The following DIP2C variants were observed in gnomAD, a reference collection of about 807,000 sequenced individuals.
The protein encoded by DIP2C is DIP2 acetate--CoA ligase C (putative).
DIP2C carries 33 observed loss-of-function variants against 192.4 expected under a neutral mutation model. The observed-to-expected ratio is 0.17, with a 90% CI of 0.13 to 0.23. DIP2C has a LOEUF of 0.23. Among genes scored for constraint, DIP2C ranks in the 10% least tolerant of loss-of-function variants. DIP2C has a pLI of 1.00. For missense variants in DIP2C, 1,537 were observed against 2,110.1 expected, an observed-to-expected ratio of 0.73 and a Z score of 5.32; for synonymous variants, 979 against 864.1, an observed-to-expected ratio of 1.13 and a Z score of -2.33.
At chr10:384,194 T>G (rs1318202423) in intron 15 of DIP2C, 48 bp from the exon 16 acceptor site, 1 of 1,580,022 alleles carries the variant, frequency 6.3e-7, no homozygotes, top group East Asian at 2.4e-5. Context: ...CGTCAGATCG[T>G]CCCCTATTGC....
intron 29 of DIP2C, 96 bp downstream of exon 29, chr10:341,103 T>C (rs1589537680): frequency 3.3e-6 from 5 of 1,536,996 alleles, no homozygotes; most frequent in Non-Finnish European, 4.5e-6. Context: ...GGAGTGGGGG[T>C]GTGGGGGCAG....
intron 1 of DIP2C, among the ~76,000 whole-genome samples, chr10:672,462 G>A (rs576835063): frequency 1.3e-5 from 2 of 152,308 alleles, no homozygotes; most frequent in East Asian, 1.9e-4. Flanking sequence ...AGCTCCTGCC[G>A]CCCACCCCAG....
intron 1 of DIP2C, among the ~76,000 whole-genome samples, chr10:513,652 G>A (rs1250822889): frequency 6.6e-6 from 1 of 152,018 alleles, no homozygotes; most frequent in African/African-American, 2.4e-5. Context: ...AACCAAGAAG[G>A]AAATGAAAAG....
chr10:351,473 G>T (rs1564600711), intron 24 of DIP2C, among the ~76,000 whole-genome samples: 1 of 152,234 alleles, frequency 6.6e-6, no homozygotes. Context: ...TCACTGCCCG[G>T]TGGGTCTTCA....
At chr10:484,765 G>A (rs1250280729) in intron 2 of DIP2C, 2 of 1,608,616 alleles carry the variant, frequency 1.2e-6, no homozygotes, top group Middle Eastern at 1.7e-4. Context: ...CTGGCTCTCA[G>A]CAAAGCAGCG....
intron 1 of DIP2C, among the ~76,000 whole-genome samples, chr10:648,714 C>T (rs541192306): frequency 2.7e-5 from 4 of 147,982 alleles, no homozygotes; most frequent in African/African-American, 5.0e-5. Flanking sequence ...TAGGAGAGAA[C>T]AGAGCGAAAC....
At chr10:299,630 A>G (rs999453946) in intron 32 of DIP2C, among the ~76,000 whole-genome samples, 2 of 152,236 alleles carry the variant, frequency 1.3e-5, no homozygotes, top group African/African-American at 4.8e-5. Flanking sequence ...AACAAAGAGG[A>G]TAAACTGGAC....
chr10:390,079 C>T lies in DIP2C; in HGVS notation c.1509G>A (p.Lys503=). Residue 503 remains lysine (K), a synonymous_variant, in exon 13 of 37, where the codon AAG becomes AAA. Coordinates refer to ENST00000280886, the MANE Select transcript of DIP2C (RefSeq NM_014974.3). Reference sequence around the variant, plus strand: ...CCGTCACACCCAGCACACTGCCATCCTTACACGTCTTGTACTGAAACGAGA... The same window carrying T: ...CCGTCACACCCAGCACACTGCCATCTTTACACGTCTTGTACTGAAACGAGA... ...DTAYIEYKTC[K]DGSVLGVTVT... 3 of 1,614,074 alleles carry T rather than the reference C, an allele frequency of 1.9e-6. No homozygotes were observed. The highest frequency in any genetic ancestry group is 2.5e-6 in the Non-Finnish European group (3 of 1,179,970).
intron 29 of DIP2C, among the ~76,000 whole-genome samples, chr10:333,914 T>G (rs1052725773): frequency 6.6e-6 from 1 of 152,236 alleles, no homozygotes; most frequent in African/African-American, 2.4e-5. Context: ...TAGGTATCTT[T>G]TCACGTCCTT....
At chr10:418,974 C>T in intron 6 of DIP2C, 91 bp downstream of exon 6, 1 of 1,566,678 alleles carries the variant, frequency 6.4e-7, no homozygotes. Flanking sequence ...GATTGTACCC[C>T]AGGAAGAAAC....
chr10:497,025 G>GA (rs1252390717), intron 1 of DIP2C, among the ~76,000 whole-genome samples: 2 of 152,218 alleles, frequency 1.3e-5, no homozygotes, highest in East Asian at 3.9e-4. Context: ...TTCAGAGGCT[G>GA]AGGCAGAAGA....
At chr10:617,953 G>A (rs566892987) in intron 1 of DIP2C, among the ~76,000 whole-genome samples, 250 of 152,244 alleles carry the variant, frequency 1.6e-3, no homozygotes, top group Middle Eastern at 6.8e-3. Context: ...TGACAATTTA[G>A]GAATCCTGCT....
chr10:479,521 A>G (rs1273669496), intron 2 of DIP2C, among the ~76,000 whole-genome samples: 1 of 151,852 alleles, frequency 6.6e-6, no homozygotes, highest in African/African-American at 2.4e-5. Flanking sequence ...TTTTTAGTAG[A>G]GATGGGGTTT....
intron 4 of DIP2C, among the ~76,000 whole-genome samples, chr10:439,479 T>C (rs2133261364): frequency 6.6e-6 from 1 of 152,130 alleles, no homozygotes; most frequent in African/African-American, 2.4e-5. Flanking sequence ...TAGCTGGGTG[T>C]GGTGGCATGC....
intron 1 of DIP2C, among the ~76,000 whole-genome samples, chr10:604,040 G>GCCCCACAC (rs1852292884): frequency 2.6e-5 from 1 of 38,080 alleles, no homozygotes; most frequent in Non-Finnish European, 5.2e-5. Flanking sequence ...CCTGCCCTCA[G>GCCCCACAC]CCCCACACCC....
At chr10:543,835 TCAC>T (rs1273107628) in intron 1 of DIP2C, among the ~76,000 whole-genome samples, 1 of 152,336 alleles carries the variant, frequency 6.6e-6, no homozygotes, top group Non-Finnish European at 1.5e-5. Flanking sequence ...TGCACAACAA[TCAC>T]CACTAGTATT....
chr10:653,846 T>C (rs563127221), intron 1 of DIP2C, among the ~76,000 whole-genome samples: 2 of 152,282 alleles, frequency 1.3e-5, no homozygotes, highest in South Asian at 4.2e-4. Flanking sequence ...GAAACCAAAG[T>C]TCTCTTTGTA....
intron 1 of DIP2C, among the ~76,000 whole-genome samples, chr10:670,270 A>G (rs1461157276): frequency 7.0e-6 from 1 of 142,388 alleles, no homozygotes; most frequent in Non-Finnish European, 1.5e-5. Flanking sequence ...ACATACACGC[A>G]TGCATATACA....
At chr10:549,116 G>C (rs1848459447) in intron 1 of DIP2C, among the ~76,000 whole-genome samples, 1 of 152,092 alleles carries the variant, frequency 6.6e-6, no homozygotes, top group Admixed American at 6.5e-5. Flanking sequence ...AGCTCATCAA[G>C]GAATCCCTAC....
Sources: gnomAD v4.1 joint callset for allele counts (sites outside exome capture counted in the v4.1 genomes callset) on GRCh38, gnomAD v4.1.1 for gene constraint, MANE v1.5 for transcripts, NCBI Gene and HGNC (gene_info 2026-07-23, HGNC 2026-07-21) for gene names.